The following SHLD1 variants were observed in gnomAD, a reference collection of about 807,000 sequenced individuals.
SHLD1 encodes the protein shieldin complex subunit 1, also known as RINN1-REV7-interacting novel NHEJ regulator 3.
In SHLD1, 3 loss-of-function variants were observed where a neutral mutation model predicts 5.5. The observed-to-expected ratio is 0.54, with a 90% CI of 0.25 to 1.40. SHLD1 has a LOEUF of 1.40. SHLD1 is among the 40% of genes most tolerant of loss of function. The pLI is 0.15. For synonymous variants in SHLD1, 92 were observed against 94.3 expected, an observed-to-expected ratio of 0.98 and a Z score of 0.14; for missense variants, 210 against 244.4, an observed-to-expected ratio of 0.86 and a Z score of 0.94.
At chr20:5,763,847 G>A (rs1392194613) in intron 1 of SHLD1, among the ~76,000 whole-genome samples, 2 of 149,602 alleles carry the variant, frequency 1.3e-5, no homozygotes, top group South Asian at 4.2e-4. Flanking sequence ...AATGGCTCAC[G>A]CCTGTAATCC....
At chr20:5,751,342 T>C (rs974007606) in intron 1 of SHLD1, among the ~76,000 whole-genome samples, 1 of 152,198 alleles carries the variant, frequency 6.6e-6, no homozygotes, top group Non-Finnish European at 1.5e-5. Flanking sequence ...ACTCTCACTC[T>C]GTAGCCCAGG....
At chr20:5,791,563 C>CAA (rs34606715) in intron 2 of SHLD1, among the ~76,000 whole-genome samples, 654 of 60,292 alleles carry the variant, frequency 0.011, 10 homozygotes, top group African/African-American at 0.03. Context: ...GACCCTGTCT[C>CAA]AAAAAAAAAA....
chr20:5,807,014 G>C (rs1331093082), intron 2 of SHLD1, among the ~76,000 whole-genome samples: 1 of 152,182 alleles, frequency 6.6e-6, no homozygotes, highest in South Asian at 2.1e-4. Context: ...CAGCTGGCTG[G>C]TAGCTGTGAG....
chr20:5,819,773 G>C (rs986354126), intron 2 of SHLD1, among the ~76,000 whole-genome samples: 1 of 152,214 alleles, frequency 6.6e-6, no homozygotes, highest in African/African-American at 2.4e-5. Context: ...AGTGAGCCAT[G>C]ATGGTGCAAC....
intron 2 of SHLD1, among the ~76,000 whole-genome samples, chr20:5,817,430 CTCTGTGTG>C (rs1360311265): frequency 9.0e-5 from 9 of 99,508 alleles, no homozygotes; most frequent in Non-Finnish European, 1.6e-4. Flanking sequence ...CTCTCTCTCT[CTCTGTGTG>C]TGTGTGTGTG....
intron 2 of SHLD1, among the ~76,000 whole-genome samples, chr20:5,862,708 GT>G (rs1293443106): frequency 1.3e-5 from 2 of 152,162 alleles, no homozygotes; most frequent in African/African-American, 4.8e-5. Context: ...TTAATTTCAG[GT>G]TGTGGTTAGT....
At chr20:5,817,714 A>C (rs62203934) in intron 2 of SHLD1, among the ~76,000 whole-genome samples, 90,918 of 151,694 alleles carry the variant, frequency 0.6, 29,555 homozygotes, top group Non-Finnish European at 0.74. Context: ...GCCTGGCATT[A>C]TGACTTAGTG....
At chr20:5,814,654 CTTTTTTTTTTT>C (rs148119460) in intron 2 of SHLD1, among the ~76,000 whole-genome samples, 27 of 103,810 alleles carry the variant, frequency 2.6e-4, no homozygotes, top group African/African-American at 1.0e-3. Context: ...TTTTCTTCTT[CTTTTTTTTTTT>C]TTTTTTTTTT....
In SHLD1 at chr20:5,821,936, T is replaced by A. The variant is rs112137008; in HGVS notation, c.179-41088T>A. On this transcript the variant is annotated intron_variant, in intron 2 of 2. Transcript: ENST00000303142. ...CTCATCTCAGACATGATGGGCCATC[T>A]CCTCTGCTGCACTCGACAGTCATAC... 7.6e-3 allele frequency among the ~76,000 whole-genome samples: 1,158 copies of A among 151,542 alleles called. 8 individuals carry two copies. Among genetic ancestry groups the A allele is most frequent in the African/African-American group, 0.027 (1,123 of 40,908 alleles).
intron 1 of SHLD1, among the ~76,000 whole-genome samples, chr20:5,765,936 T>C (rs1984809571): frequency 6.6e-6 from 1 of 152,098 alleles, no homozygotes. Context: ...CTTCTTTTTG[T>C]GGTCCAGTTC....
rs541764088 is a variant in SHLD1 at position 5,820,477 on chromosome 20, A to C, written c.179-42547A>C. Among the ~76,000 whole-genome samples, 4 of 152,316 alleles carry C rather than the reference A, an allele frequency of 2.6e-5. No homozygotes were observed. The South Asian group carries it at 6.2e-4, about 24-fold the overall frequency. On this transcript the variant is annotated intron_variant, in intron 2 of 2. Coordinates refer to ENST00000303142, the MANE Select transcript of SHLD1 (RefSeq NM_152504.4). ...GCCCCTGGGGATGAAGTGTGAATTA[A>C]AGGCAGTGTCTGCCCTCTTGAAGTT...
chr20:5,797,318 T>C (rs2087227013), intron 2 of SHLD1, among the ~76,000 whole-genome samples: 1 of 152,128 alleles, frequency 6.6e-6, no homozygotes, highest in South Asian at 2.1e-4. Flanking sequence ...CCCAACACTT[T>C]GGGAGCCTGA....
At chr20:5,841,227 A>AT (rs1427862449) in intron 2 of SHLD1, among the ~76,000 whole-genome samples, 1 of 151,764 alleles carries the variant, frequency 6.6e-6, no homozygotes, top group East Asian at 1.9e-4. Context: ...ATACATAAAT[A>AT]TTTTTTTAAT....
intron 1 of SHLD1, chr20:5,771,863 CTTTTT>C (rs34145480): frequency 1.0e-4 from 8 of 79,406 alleles, no homozygotes; most frequent in South Asian, 4.3e-4. Flanking sequence ...GAACTTTTAC[CTTTTT>C]TTTTTTTTTT....
rs35245764 is a variant in SHLD1 at position 5,776,841 on chromosome 20, G to C, written c.178+3798G>C. ...GTTTACTCATCCTACCCCATGGAAGGCTCTGGGTGTGATAATTGCTCTCTG... is the reference window on the plus strand; with the variant it reads ...GTTTACTCATCCTACCCCATGGAAGCCTCTGGGTGTGATAATTGCTCTCTG... On this transcript the variant is annotated intron_variant, in intron 2 of 2. Coordinates refer to ENST00000303142, the MANE Select transcript of SHLD1 (RefSeq NM_152504.4). Among the ~76,000 whole-genome samples, 826 of 152,124 alleles carry C rather than the reference G, an allele frequency of 5.4e-3. 9 individuals are homozygous for C. The highest frequency in any genetic ancestry group is 0.019 in the African/African-American group (782 of 41,500).
At position 5,755,714 on chromosome 20, in the gene SHLD1, C is replaced by T. The variant is rs1223567071; in HGVS notation, c.-5+5235C>T. Among the ~76,000 whole-genome samples the T allele has an allele frequency of 9.2e-5, 14 of 152,174 alleles. No individual in the cohort carries two copies. The East Asian group carries it at 1.7e-3, about 19-fold the overall frequency. ...AGCTGGGATTACAGGCACGCACCAC[C>T]GCGCCTGGCTAATTTTGTATTTTTA... is the stretch of plus-strand genomic sequence containing the variant. On this transcript the variant is annotated intron_variant, in intron 1 of 2. Coordinates refer to ENST00000303142, the MANE Select transcript of SHLD1 (RefSeq NM_152504.4).
intron 2 of SHLD1, among the ~76,000 whole-genome samples, chr20:5,842,518 T>TAAA (rs2087877265): frequency 6.6e-6 from 1 of 152,216 alleles, no homozygotes. Flanking sequence ...GATTAATAAA[T>TAAA]TTGAGGATTT....
At chr20:5,778,303 AT>A (rs1985532418) in intron 2 of SHLD1, among the ~76,000 whole-genome samples, 1 of 105,050 alleles carries the variant, frequency 9.5e-6, no homozygotes, top group African/African-American at 3.5e-5. Flanking sequence ...TTTTTTTTGT[AT>A]TTTTAGTAGA....
intron 2 of SHLD1, among the ~76,000 whole-genome samples, chr20:5,786,606 T>G (rs1288562940): frequency 6.6e-6 from 1 of 150,994 alleles, no homozygotes; most frequent in Non-Finnish European, 1.5e-5. Context: ...AAAAGAAAAA[T>G]TATCTGACCT....
Sources: gnomAD v4.1 joint callset for allele counts (sites outside exome capture counted in the v4.1 genomes callset) on GRCh38, gnomAD v4.1.1 for gene constraint, MANE v1.5 for transcripts, NCBI Gene and HGNC (gene_info 2026-07-23, HGNC 2026-07-21) for gene names.